The following NDST4 variants were observed in gnomAD, a reference collection of about 807,000 sequenced individuals.
NDST4 encodes N-heparan sulfate sulfotransferase 4.
Under a neutral mutation model 100.8 loss-of-function variants are expected in NDST4, and 63 were observed. The ratio of observed to expected loss-of-function variants is 0.62; its 90% CI spans 0.51 to 0.77. The LOEUF is 0.77. Ranked by LOEUF, NDST4 falls within the 30% of genes least tolerant of loss-of-function variation. The probability of loss-of-function intolerance (pLI) is 0.00; values close to 1 mark genes in which losing one functional copy is unlikely to be tolerated. For synonymous variants in NDST4, 377 were observed against 361.8 expected, an observed-to-expected ratio of 1.04 and a Z score of -0.48; for missense variants, 943 against 1,018.4, an observed-to-expected ratio of 0.93 and a Z score of 1.01.
intron 6 of NDST4, among the ~76,000 whole-genome samples, chr4:114,886,313 C>T (rs770419047): frequency 2.6e-5 from 4 of 152,062 alleles, no homozygotes; most frequent in Non-Finnish European, 4.4e-5. Context: ...TGAGATATGT[C>T]GCTGTCCTAC....
rs193142782 is a variant in NDST4 at position 115,047,665 on chromosome 4, A to T, written c.978+28394T>A. 7.6e-4 allele frequency among the ~76,000 whole-genome samples: 116 copies of T among 152,262 alleles called. 1 individual carries two copies. Among genetic ancestry groups the T allele is most frequent in the African/African-American group, 2.7e-3 (111 of 41,562 alleles). On this transcript the variant is annotated intron_variant, in intron 2 of 13. Coordinates refer to ENST00000264363, the MANE Select transcript of NDST4 (RefSeq NM_022569.3). ...TGAGGATGGCCTTTGAGCTAAAATA[A>T]GCCTGATTTGGGTGGTAAGTTGACA... is the stretch of plus-strand genomic sequence containing the variant.
chr4:115,077,300 T>TAAACTAA lies in NDST4; in HGVS notation c.-246-19_-246-18insTTAGTTT. On this transcript the variant is annotated intron_variant, in intron 1 of 13. Transcript: ENST00000264363. ...AGCATAATCTGAAAGAGAGGAGAGATGTAATAACTAAGATAAAAATAGAAA... is the reference window on the plus strand; with the variant it reads ...AGCATAATCTGAAAGAGAGGAGAGATAAACTAAGTAATAACTAAGATAAAAATAGAAA... 4.2e-6 allele frequency: 1 copy of TAAACTAA among 235,990 alleles called. No individual in the cohort carries two copies. Among genetic ancestry groups the TAAACTAA allele is most frequent in the Admixed American group, 5.2e-5 (1 of 19,404 alleles). 14.6% of individuals were successfully genotyped at this position (235,990 alleles called of 1,614,324 possible).
chr4:114,918,546 A>G (rs1056800454), intron 6 of NDST4, among the ~76,000 whole-genome samples: 8 of 52,064 alleles, frequency 1.5e-4, no homozygotes, highest in Admixed American at 6.7e-4. Flanking sequence ...CTATAATAAA[A>G]AAATAAAAAT....
At chr4:114,979,394 G>T (rs748273874) in intron 2 of NDST4, among the ~76,000 whole-genome samples, 16 of 147,494 alleles carry the variant, frequency 1.1e-4, no homozygotes, top group Non-Finnish European at 2.1e-4. Context: ...TCATGTTACT[G>T]GTTTTTTTTT....
intron 11 of NDST4, among the ~76,000 whole-genome samples, chr4:114,834,207 T>C (rs2126180905): frequency 6.6e-6 from 1 of 152,138 alleles, no homozygotes; most frequent in East Asian, 1.9e-4. Flanking sequence ...TAGAATATCA[T>C]AATTGTCAAA....
intron 6 of NDST4, among the ~76,000 whole-genome samples, chr4:114,923,793 G>A (rs1410526131): frequency 6.6e-6 from 1 of 151,838 alleles, no homozygotes; most frequent in Non-Finnish European, 1.5e-5. Flanking sequence ...TGCTTTTGCT[G>A]TTGAAAGTTT....
intron 4 of NDST4, among the ~76,000 whole-genome samples, chr4:114,942,603 T>C (rs1248116478): frequency 1.3e-5 from 2 of 152,118 alleles, no homozygotes; most frequent in Admixed American, 6.5e-5. Context: ...TTCAATATAA[T>C]AAATTGTGTC....
chr4:114,991,375 A>G (rs745342574), intron 2 of NDST4, among the ~76,000 whole-genome samples: 8 of 152,096 alleles, frequency 5.3e-5, no homozygotes, highest in Non-Finnish European at 1.2e-4. Flanking sequence ...CGAATGAGTT[A>G]TGGGGTGAAG....
intron 6 of NDST4, among the ~76,000 whole-genome samples, chr4:114,916,691 TA>T (rs918388970): frequency 2.0e-5 from 3 of 151,322 alleles, no homozygotes; most frequent in African/African-American, 7.3e-5. Flanking sequence ...TTTTCTAAGT[TA>T]TATTTTTTAT....
intron 7 of NDST4, among the ~76,000 whole-genome samples, chr4:114,859,276 C>T (rs776662960): frequency 2.6e-5 from 4 of 152,060 alleles, no homozygotes; most frequent in South Asian, 2.1e-4. Context: ...TCTAGGCCAG[C>T]AAAAATGCTA....
chr4:114,987,852 T>C (rs886982897), intron 2 of NDST4, among the ~76,000 whole-genome samples: 1 of 152,204 alleles, frequency 6.6e-6, no homozygotes, highest in Non-Finnish European at 1.5e-5. Flanking sequence ...ATTAAGTGAA[T>C]GTCTGATCAT....
chr4:114,870,007 G>A (rs1005685142), intron 7 of NDST4, among the ~76,000 whole-genome samples: 12 of 152,242 alleles, frequency 7.9e-5, no homozygotes, highest in Middle Eastern at 6.8e-3. Flanking sequence ...TTTCTCAGCC[G>A]ACTGCTTGGC....
intron 8 of NDST4, among the ~76,000 whole-genome samples, chr4:114,849,893 G>A (rs529532694): frequency 9.9e-5 from 15 of 152,156 alleles, no homozygotes; most frequent in Admixed American, 7.8e-4. Context: ...TATGAGGGAC[G>A]AGGGGCATCC....
At position 114,857,865 on chromosome 4, in the gene NDST4, G is replaced by A. The variant is rs1050888745; in HGVS notation, c.1720-5044C>T. ...ATAGGAAGTTCTAAGAAAGAGGCAT[G>A]TGGATGGACCTATGATAGTGTCCAA... On this transcript the variant is annotated intron_variant, in intron 7 of 13. Coordinates refer to ENST00000264363, the MANE Select transcript of NDST4 (RefSeq NM_022569.3). 6.6e-5 allele frequency among the ~76,000 whole-genome samples: 10 copies of A among 152,300 alleles called. No individual in the cohort carries two copies. In the East Asian group the frequency reaches 7.7e-4, roughly 12 times the overall value.
At chr4:114,850,395 G>T (rs1317972485) in intron 8 of NDST4, among the ~76,000 whole-genome samples, 2 of 152,090 alleles carry the variant, frequency 1.3e-5, no homozygotes, top group African/African-American at 4.8e-5. Context: ...CTGATAGGGA[G>T]GAGAGAGCAA....
rs116154375 is a variant in NDST4, at chr4:114,867,234, A to G, written c.1719+3534T>C. 6.3e-3 allele frequency among the ~76,000 whole-genome samples: 953 copies of G among 152,190 alleles called. 8 individuals carry two copies. The highest frequency in any genetic ancestry group is 0.022 in the African/African-American group (917 of 41,516). On this transcript the variant is annotated intron_variant, in intron 7 of 13. Coordinates refer to ENST00000264363, the MANE Select transcript of NDST4 (RefSeq NM_022569.3). ...TCCTTCAACAGACACATACTAATAG[A>G]ATCTACAGTGTGTATGCCACTAGAT... is the stretch of plus-strand genomic sequence containing the variant.
intron 2 of NDST4, among the ~76,000 whole-genome samples, chr4:115,012,967 C>T (rs996021848): frequency 1.3e-5 from 2 of 151,120 alleles, no homozygotes; most frequent in African/African-American, 2.4e-5. Context: ...GGGCAAACTT[C>T]GCATGTTCTC....
chr4:115,112,108 C>T (rs577049854), intron 1 of NDST4, among the ~76,000 whole-genome samples: 191 of 150,678 alleles, frequency 1.3e-3, no homozygotes, highest in African/African-American at 4.1e-3. Context: ...CACACTCATG[C>T]ACACAAATGA....
intron 4 of NDST4, among the ~76,000 whole-genome samples, chr4:114,969,321 GAAAAAAAAAAA>G (rs70964334): frequency 1.1e-5 from 1 of 90,720 alleles, no homozygotes; most frequent in South Asian, 3.8e-4. Context: ...CTCAAAAAAA[GAAAAAAAAAAA>G]AAAAAAAAAA....
Sources: allele counts gnomAD v4.1 joint callset (sites outside exome capture counted in the v4.1 genomes callset), GRCh38; gene constraint gnomAD v4.1.1; transcripts MANE v1.5; gene names NCBI Gene and HGNC (gene_info 2026-07-23, HGNC 2026-07-21).